The following FGF12 variants were observed in gnomAD, a reference collection of about 807,000 sequenced individuals.
The protein encoded by FGF12 is fibroblast growth factor 12B.
A neutral mutation model predicts 23.6 loss-of-function variants in FGF12; 14 were observed. The ratio of observed to expected loss-of-function variants is 0.59; its 90% CI spans 0.39 to 0.93. The LOEUF is 0.93. Among genes scored for constraint, FGF12 ranks in the 40% least tolerant of loss-of-function variants. The pLI is 0.00. For synonymous variants in FGF12, 62 were observed against 77.3 expected (o/e 0.80, Z 1.04); for missense variants, 175 against 217.8 (o/e 0.80, Z 1.24).
intron 2 of FGF12, among the ~76,000 whole-genome samples, chr3:192,529,330 C>T (rs1725030047): frequency 6.6e-6 from 1 of 152,174 alleles, no homozygotes; most frequent in Non-Finnish European, 1.5e-5. Flanking sequence ...GACCTTTGCT[C>T]CAGTTTCTCA....
intron 2 of FGF12, among the ~76,000 whole-genome samples, chr3:192,649,467 CTTA>C (rs746237216): frequency 5.7e-4 from 86 of 152,198 alleles, no homozygotes; most frequent in Non-Finnish European, 1.1e-3. Flanking sequence ...TAGTTTTATT[CTTA>C]TTATTATAAC....
intron 2 of FGF12, among the ~76,000 whole-genome samples, chr3:192,662,355 T>C (rs1438870781): frequency 6.6e-6 from 1 of 152,230 alleles, no homozygotes; most frequent in Non-Finnish European, 1.5e-5. Context: ...TACAGATTCA[T>C]TTTCATAAAT....
intron 2 of FGF12, among the ~76,000 whole-genome samples, chr3:192,603,118 C>T (rs964435969): frequency 1.3e-5 from 2 of 152,130 alleles, no homozygotes; most frequent in African/African-American, 4.8e-5. Flanking sequence ...CCCTTGAAAA[C>T]TGGAACAAGA....
chr3:192,273,469 A>T (rs1026383974), intron 4 of FGF12, among the ~76,000 whole-genome samples: 3 of 152,176 alleles, frequency 2.0e-5, no homozygotes, highest in African/African-American at 7.2e-5. Flanking sequence ...AGAGTCCTGC[A>T]TGCTAGGCAA....
intron 4 of FGF12, among the ~76,000 whole-genome samples, chr3:192,188,476 A>G (rs1716610459): frequency 6.6e-6 from 1 of 152,174 alleles, no homozygotes; most frequent in South Asian, 2.1e-4. Context: ...CAAGAAAGGG[A>G]GGGTTATGGG....
At chr3:192,491,589 C>A (rs865861695) in intron 2 of FGF12, among the ~76,000 whole-genome samples, 1 of 152,240 alleles carries the variant, frequency 6.6e-6, no homozygotes, top group Non-Finnish European at 1.5e-5. Context: ...TCTGCAATAT[C>A]TTCATCTAAA....
chr3:192,405,166 A>T (rs1246359473), intron 2 of FGF12, among the ~76,000 whole-genome samples: 1 of 151,068 alleles, frequency 6.6e-6, no homozygotes, highest in Non-Finnish European at 1.5e-5. Flanking sequence ...AAAGGATCCA[A>T]TGTGCACCCT....
At chr3:192,612,160 G>T (rs1361329262) in intron 2 of FGF12, among the ~76,000 whole-genome samples, 1 of 152,016 alleles carries the variant, frequency 6.6e-6, no homozygotes, top group African/African-American at 2.4e-5. Context: ...CACAGTAGTA[G>T]AGAAATGGCT....
chr3:192,382,855 T>A (rs184917585), intron 2 of FGF12, among the ~76,000 whole-genome samples: 50 of 152,238 alleles, frequency 3.3e-4, no homozygotes, highest in African/African-American at 1.2e-3. Flanking sequence ...CATTGAAAAG[T>A]TTTAAGCATA....
intron 2 of FGF12, among the ~76,000 whole-genome samples, chr3:192,641,095 C>A (rs1715781521): frequency 6.9e-6 from 1 of 145,506 alleles, no homozygotes; most frequent in South Asian, 2.2e-4. Flanking sequence ...AGTGCCTGGC[C>A]TTTCACTTTT....
intron 2 of FGF12, among the ~76,000 whole-genome samples, chr3:192,489,681 C>G (rs1037146261): frequency 2.0e-5 from 3 of 151,992 alleles, no homozygotes; most frequent in African/African-American, 7.2e-5. Context: ...CCTTTTGCTG[C>G]TTTGAATTTA....
At chr3:192,173,397 C>A (rs1284045382) in intron 4 of FGF12, among the ~76,000 whole-genome samples, 1 of 150,666 alleles carries the variant, frequency 6.6e-6, no homozygotes, top group Non-Finnish European at 1.5e-5. Context: ...TATATGATAA[C>A]CCATGTGAAG....
rs368164353 is a variant in FGF12 at position 192,583,576 on chromosome 3, T to C, written c.13+143605A>G. Among the ~76,000 whole-genome samples, 97 of 152,302 alleles carry C rather than the reference T, an allele frequency of 6.4e-4. 7 individuals carry two copies. In the South Asian group the frequency reaches 0.02, roughly 31 times the overall value. ...GAAGCAGTTTTGAGTTTCAGAATAC[T>C]AAATGTGAATCTTTCTAAAATGGAT... On this transcript the variant is annotated intron_variant, in intron 2 of 5. Coordinates refer to ENST00000445105, the MANE Select transcript of FGF12 (RefSeq NM_004113.6).
intron 2 of FGF12, among the ~76,000 whole-genome samples, chr3:192,538,649 A>AT (rs928933664): frequency 1.3e-5 from 2 of 151,902 alleles, no homozygotes; most frequent in Non-Finnish European, 2.9e-5. Context: ...AATTTTCAAA[A>AT]TTTTTTTTCT....
chr3:192,255,359 A>G (rs1017524701), intron 4 of FGF12, among the ~76,000 whole-genome samples: 4 of 152,022 alleles, frequency 2.6e-5, no homozygotes, highest in Admixed American at 6.6e-5. Context: ...GGAGAGGTAT[A>G]CTAATTAAAA....
intron 5 of FGF12, among the ~76,000 whole-genome samples, chr3:192,161,990 T>G (rs1433496816): frequency 6.6e-6 from 1 of 152,124 alleles, no homozygotes; most frequent in South Asian, 2.1e-4. Context: ...TTAATAAAAC[T>G]AAAACATTAA....
intron 4 of FGF12, among the ~76,000 whole-genome samples, 159 bp downstream of exon 4, chr3:192,335,202 C>G (rs1201471089): frequency 6.6e-6 from 1 of 152,140 alleles, no homozygotes; most frequent in Non-Finnish European, 1.5e-5. Flanking sequence ...GTCCTTAACA[C>G]TCTAAATTAC....
chr3:192,200,250 A>G (rs1330826179), intron 4 of FGF12, among the ~76,000 whole-genome samples: 1 of 151,792 alleles, frequency 6.6e-6, no homozygotes, highest in Non-Finnish European at 1.5e-5. Context: ...AATTGCTTGA[A>G]CCCAGGAGGC....
At chr3:192,178,660 T>C (rs1715995498) in intron 4 of FGF12, among the ~76,000 whole-genome samples, 1 of 152,066 alleles carries the variant, frequency 6.6e-6, no homozygotes, top group Non-Finnish European at 1.5e-5. Context: ...CACCATGCCT[T>C]AATTTTTTTG....
Sources: gnomAD v4.1 joint callset for allele counts (sites outside exome capture counted in the v4.1 genomes callset) on GRCh38, gnomAD v4.1.1 for gene constraint, MANE v1.5 for transcripts, NCBI Gene and HGNC (gene_info 2026-07-23, HGNC 2026-07-21) for gene names.